The following COLEC12 variants were observed in gnomAD, a reference collection of about 807,000 sequenced individuals.
COLEC12 encodes collectin-12.
A neutral mutation model predicts 71.1 loss-of-function variants in COLEC12; 33 were observed. The observed-to-expected ratio is 0.46, with a 90% CI of 0.35 to 0.62. The LOEUF (loss-of-function observed/expected upper bound fraction) is 0.62. Ranked by LOEUF, COLEC12 falls within the 20% of genes least tolerant of loss-of-function variation. The probability of loss-of-function intolerance (pLI) is 0.00; values close to 1 mark genes in which losing one functional copy is unlikely to be tolerated. For missense variants in COLEC12, 765 were observed against 916.1 expected (o/e 0.84, Z 2.13); for synonymous variants, 350 against 353.0 (o/e 0.99, Z 0.10).
chr18:350,426 G>A (rs1201863880), intron 3 of COLEC12, among the ~76,000 whole-genome samples: 9 of 152,092 alleles, frequency 5.9e-5, no homozygotes, highest in East Asian at 3.9e-4. Context: ...CAGCAGCATG[G>A]GAACGGACTA....
chr18:482,044 A>G (rs1346348185), intron 1 of COLEC12, among the ~76,000 whole-genome samples: 2 of 151,830 alleles, frequency 1.3e-5, no homozygotes, highest in Non-Finnish European at 2.9e-5. Flanking sequence ...CCCGACACGT[A>G]GTTTTTCAAT....
intron 2 of COLEC12, among the ~76,000 whole-genome samples, chr18:359,326 C>T (rs370972279): frequency 6.6e-5 from 10 of 152,128 alleles, no homozygotes; most frequent in Non-Finnish European, 8.8e-5. Flanking sequence ...ACTAGTTTAC[C>T]GGCATGCCAC....
chr18:372,028 G>C (rs997829024), intron 2 of COLEC12, among the ~76,000 whole-genome samples: 1 of 152,114 alleles, frequency 6.6e-6, no homozygotes, highest in Non-Finnish European at 1.5e-5. Context: ...GAGTGGAGCT[G>C]GACTTCTGCT....
intron 2 of COLEC12, among the ~76,000 whole-genome samples, chr18:389,274 G>T (rs1915411044): frequency 7.3e-6 from 1 of 137,286 alleles, no homozygotes; most frequent in Admixed American, 7.6e-5. Flanking sequence ...TTTTTTTGGA[G>T]ATGGAGTCTT....
At chr18:483,448 G>C (rs1213453077) in intron 1 of COLEC12, among the ~76,000 whole-genome samples, 1 of 151,058 alleles carries the variant, frequency 6.6e-6, no homozygotes, top group Non-Finnish European at 1.5e-5. Flanking sequence ...ATTTCTAACA[G>C]AAAACAGAGA....
At chr18:447,732 T>C (rs1462943660) in intron 2 of COLEC12, among the ~76,000 whole-genome samples, 1 of 152,204 alleles carries the variant, frequency 6.6e-6, no homozygotes, top group Non-Finnish European at 1.5e-5. Context: ...CTTAGATACT[T>C]TGCTAATATG....
At chr18:328,583 C>A (rs1352019319) in intron 8 of COLEC12, among the ~76,000 whole-genome samples, 1 of 152,206 alleles carries the variant, frequency 6.6e-6, no homozygotes, top group East Asian at 1.9e-4. Context: ...CCAGCAGGTA[C>A]TATTTCTTGA....
chr18:325,244 C>T (rs575107078), intron 8 of COLEC12, among the ~76,000 whole-genome samples: 36 of 152,176 alleles, frequency 2.4e-4, no homozygotes, highest in East Asian at 1.2e-3. Context: ...TGATATTATA[C>T]GGAGCAGTCT....
At chr18:416,151 A>G (rs977847771) in intron 2 of COLEC12, among the ~76,000 whole-genome samples, 6 of 152,198 alleles carry the variant, frequency 3.9e-5, no homozygotes, top group African/African-American at 1.4e-4. Flanking sequence ...TATTAAAGAA[A>G]CCAAAAAATC....
intron 2 of COLEC12, among the ~76,000 whole-genome samples, chr18:472,701 A>AAAAAG (rs1555622344): frequency 1.5e-4 from 21 of 144,240 alleles, no homozygotes; most frequent in East Asian, 9.2e-4. Flanking sequence ...AAAAAAAAAA[A>AAAAAG]AAGAAGAAGA....
Position 347,064 on chromosome 18 carries a change from G to T in COLEC12, c.558C>A (p.Ser186Arg). 1 of 1,614,162 alleles carries T rather than the reference G, an allele frequency of 6.2e-7. No individual in the cohort carries two copies. Among genetic ancestry groups the T allele is most frequent in the Non-Finnish European group, 8.5e-7 (1 of 1,180,030 alleles). ...GYVTNLQQDTSVLQGNLQNQM... is the reference protein window; with the variant it reads ...GYVTNLQQDTRVLQGNLQNQM... Reference sequence around the variant, plus strand: ...GGTTCTGCAGATTGCCCTGGAGCACGCTGGTATCTTGCTGCAGATTCGTGA... The same window carrying T: ...GGTTCTGCAGATTGCCCTGGAGCACTCTGGTATCTTGCTGCAGATTCGTGA... The change falls in exon 5 of 10, where the codon AGC (serine) becomes AGA (arginine). Residue 186 changes from serine (S) to arginine (R), a missense_variant. Transcript: ENST00000400256.
chr18:471,414 A>G (rs540979341), intron 2 of COLEC12, among the ~76,000 whole-genome samples: 1 of 151,980 alleles, frequency 6.6e-6, no homozygotes, highest in Admixed American at 6.5e-5. Context: ...CTGAGCCAGA[A>G]AACAAAATGA....
chr18:388,228 G>T (rs929553392), intron 2 of COLEC12, among the ~76,000 whole-genome samples: 4 of 152,062 alleles, frequency 2.6e-5, no homozygotes, highest in African/African-American at 9.7e-5. Context: ...AATATTTAAG[G>T]CTGTTAGTAG....
At chr18:429,217 A>T (rs76398503) in intron 2 of COLEC12, among the ~76,000 whole-genome samples, 28,367 of 151,758 alleles carry the variant, frequency 0.19, 2,906 homozygotes, top group Middle Eastern at 0.24. Context: ...TTTTGTTTTG[A>T]TTTGTTTTTT....
At chr18:451,289 G>A (rs187351689) in intron 2 of COLEC12, among the ~76,000 whole-genome samples, 12 of 152,200 alleles carry the variant, frequency 7.9e-5, no homozygotes, top group Non-Finnish European at 4.4e-5. Context: ...ACTGCTGGAC[G>A]TTTCCACCTA....
At position 350,947 on chromosome 18, in the gene COLEC12, G is replaced by A. The variant is rs189742245; in HGVS notation, c.182-2784C>T. Among the ~76,000 whole-genome samples the A allele has an allele frequency of 1.8e-3, 253 of 139,870 alleles. 2 individuals are homozygous for A. The highest frequency in any genetic ancestry group is 8.1e-3 in the Middle Eastern group (2 of 248). The allele number at this position is 139,870 out of a possible 152,430, so 91.8% of individuals were successfully genotyped here. ...TGCACTCCAGCCTGGGCAACAGAGC[G>A]AGACTCTGTCTCAAAAAAAAAAAAA... On this transcript the variant is annotated intron_variant, in intron 3 of 9. Transcript: ENST00000400256.
At chr18:387,064 G>C (rs1915360881) in intron 2 of COLEC12, among the ~76,000 whole-genome samples, 1 of 152,110 alleles carries the variant, frequency 6.6e-6, no homozygotes, top group Non-Finnish European at 1.5e-5. Context: ...TAGATCCCTG[G>C]ATGTCTCCAG....
intron 1 of COLEC12, among the ~76,000 whole-genome samples, chr18:483,655 T>G (rs1289498478): frequency 6.6e-6 from 1 of 152,202 alleles, no homozygotes; most frequent in Non-Finnish European, 1.5e-5. Context: ...ATTCAGTGAT[T>G]GGCTACCTCC....
intron 2 of COLEC12, among the ~76,000 whole-genome samples, chr18:363,680 G>A (rs796992143): frequency 1.4e-4 from 22 of 152,156 alleles, no homozygotes; most frequent in African/African-American, 2.9e-4. Flanking sequence ...TTAACAACCC[G>A]GTTAGTTGCT....
Sources: allele counts gnomAD v4.1 joint callset (sites outside exome capture counted in the v4.1 genomes callset), GRCh38; gene constraint gnomAD v4.1.1; transcripts MANE v1.5; gene names NCBI Gene and HGNC (gene_info 2026-07-23, HGNC 2026-07-21).